CDH13: variants seen among roughly 807,000 people sequenced by gnomAD.
CDH13 encodes the protein cadherin-13.
In CDH13, 24 loss-of-function variants were observed where a neutral mutation model predicts 63.8. The observed-to-expected ratio is 0.38, with a 90% CI of 0.27 to 0.53. The LOEUF (loss-of-function observed/expected upper bound fraction) is 0.53. Among genes scored for constraint, CDH13 ranks in the 20% least tolerant of loss-of-function variants. CDH13 has a pLI of 0.85. For synonymous variants in CDH13, 503 were observed against 355.3 expected, an observed-to-expected ratio of 1.42 and a Z score of -4.67; for missense variants, 1,049 against 903.1, an observed-to-expected ratio of 1.16 and a Z score of -2.07.
At chr16:82,749,275 C>T (rs1444614762) in intron 1 of CDH13, among the ~76,000 whole-genome samples, 2 of 152,152 alleles carry the variant, frequency 1.3e-5, no homozygotes, top group African/African-American at 4.8e-5. Context: ...CCTTGAGCTT[C>T]CCCATTACAT....
chr16:83,092,842 A>G (rs906074265), intron 3 of CDH13, among the ~76,000 whole-genome samples: 5 of 152,222 alleles, frequency 3.3e-5, no homozygotes, highest in Non-Finnish European at 7.3e-5. Flanking sequence ...TTTCTTAAGT[A>G]TAACATTGCT....
chr16:83,009,848 C>T (rs1913939739), intron 2 of CDH13, among the ~76,000 whole-genome samples: 1 of 152,100 alleles, frequency 6.6e-6, no homozygotes. Flanking sequence ...ATTAGAATGG[C>T]TCAGGCCGGG....
chr16:83,183,156 A>G (rs1418830136), intron 4 of CDH13, among the ~76,000 whole-genome samples: 1 of 152,182 alleles, frequency 6.6e-6, no homozygotes, highest in Non-Finnish European at 1.5e-5. Flanking sequence ...TTGTATTTCA[A>G]CCTGATAAAA....
At chr16:83,427,137 A>C (rs974197007) in intron 6 of CDH13, among the ~76,000 whole-genome samples, 1 of 151,714 alleles carries the variant, frequency 6.6e-6, no homozygotes, top group Admixed American at 6.6e-5. Flanking sequence ...CGTGGTCTCT[A>C]TCTTCTGACC....
In CDH13 at chr16:83,116,709, A is replaced by C. The variant is rs148141089; in HGVS notation, c.367-8676A>C. ...AATTATATGTGGTGAGGATTGCACA[A>C]CTCTGTAAATTTCCTAACAATCACT... On this transcript the variant is annotated intron_variant, in intron 3 of 13. Transcript: ENST00000567109. Among the ~76,000 whole-genome samples, 5 of 152,310 alleles carry C rather than the reference A, an allele frequency of 3.3e-5. No homozygotes were observed. The East Asian group carries it at 9.6e-4, about 29-fold the overall frequency.
intron 4 of CDH13, among the ~76,000 whole-genome samples, chr16:83,188,538 C>T (rs896866026): frequency 6.6e-6 from 1 of 152,164 alleles, no homozygotes; most frequent in South Asian, 2.1e-4. Context: ...AGCTCAGAGA[C>T]ATTCAGGGAT....
chr16:83,501,812 A>G (rs1292837993), intron 7 of CDH13, among the ~76,000 whole-genome samples: 1 of 152,232 alleles, frequency 6.6e-6, no homozygotes, highest in African/African-American at 2.4e-5. Flanking sequence ...CTCAAGGACA[A>G]CTTTATCTTT....
At chr16:83,187,003 C>G (rs1451082318) in intron 4 of CDH13, among the ~76,000 whole-genome samples, 1 of 152,052 alleles carries the variant, frequency 6.6e-6, no homozygotes, top group Non-Finnish European at 1.5e-5. Context: ...CGGAGTCTCG[C>G]TCTGTCACCC....
At chr16:82,905,059 G>T (rs1310686635) in intron 2 of CDH13, among the ~76,000 whole-genome samples, 2 of 152,108 alleles carry the variant, frequency 1.3e-5, no homozygotes, top group East Asian at 3.9e-4. Context: ...GAAGCATCTC[G>T]CTGAGTCTGA....
chr16:82,969,394 A>T (rs892818319), intron 2 of CDH13, among the ~76,000 whole-genome samples: 5 of 151,488 alleles, frequency 3.3e-5, no homozygotes, highest in African/African-American at 4.9e-5. Context: ...CTGACCCCTG[A>T]TCTCTCCCAC....
chr16:83,628,178 C>A (rs1221177881), intron 8 of CDH13, among the ~76,000 whole-genome samples: 1 of 152,186 alleles, frequency 6.6e-6, no homozygotes, highest in African/African-American at 2.4e-5. Context: ...CGCCTGGGAA[C>A]GCAGCCCAGT....
chr16:83,371,764 A>T (rs891881731), intron 6 of CDH13, among the ~76,000 whole-genome samples: 1 of 152,162 alleles, frequency 6.6e-6, no homozygotes, highest in Non-Finnish European at 1.5e-5. Context: ...GACAAACGGA[A>T]CTCAGAGTGG....
At chr16:83,503,478 G>A (rs2074330340) in intron 7 of CDH13, among the ~76,000 whole-genome samples, 1 of 152,140 alleles carries the variant, frequency 6.6e-6, no homozygotes, top group African/African-American at 2.4e-5. Context: ...GGAAGGGGAA[G>A]AGAAACAGGA....
intron 3 of CDH13, among the ~76,000 whole-genome samples, chr16:83,093,011 G>C (rs1355141578): frequency 6.6e-6 from 1 of 152,166 alleles, no homozygotes; most frequent in Non-Finnish European, 1.5e-5. Context: ...GAAAATGTGA[G>C]CACAGAGATG....
chr16:83,442,388 G>A (rs778176564), intron 6 of CDH13, among the ~76,000 whole-genome samples: 1 of 152,180 alleles, frequency 6.6e-6, no homozygotes, highest in Non-Finnish European at 1.5e-5. Context: ...AAAGCTACCA[G>A]TCTGGTGATT....
chr16:83,703,302 T>TATAC (rs1906524138), intron 10 of CDH13, among the ~76,000 whole-genome samples: 1 of 152,236 alleles, frequency 6.6e-6, no homozygotes, highest in South Asian at 2.1e-4. Context: ...GTCAAAAATG[T>TATAC]ATACACTCAG....
chr16:83,146,193 C>CAAAAAAAA (rs749952847), intron 4 of CDH13, among the ~76,000 whole-genome samples: 2 of 97,560 alleles, frequency 2.1e-5, no homozygotes, highest in Non-Finnish European at 4.1e-5. Flanking sequence ...GACTCTGTCT[C>CAAAAAAAA]AAAAAAAAAA....
intron 1 of CDH13, among the ~76,000 whole-genome samples, chr16:82,711,572 G>A (rs1008201507): frequency 3.3e-5 from 5 of 152,128 alleles, no homozygotes; most frequent in Non-Finnish European, 7.4e-5. Flanking sequence ...TTCCAACATA[G>A]ACCTACCTTC....
intron 8 of CDH13, among the ~76,000 whole-genome samples, chr16:83,658,516 C>T (rs1913104505): frequency 1.3e-5 from 2 of 148,282 alleles, no homozygotes; most frequent in African/African-American, 2.5e-5. Context: ...CATGTCCTCA[C>T]CACCAGGTCC....
Sources: gnomAD v4.1 joint callset for allele counts (sites outside exome capture counted in the v4.1 genomes callset) on GRCh38, gnomAD v4.1.1 for gene constraint, MANE v1.5 for transcripts, NCBI Gene and HGNC (gene_info 2026-07-23, HGNC 2026-07-21) for gene names.